Variants in ANXA6 observed in about 807,000 individuals in gnomAD.
ANXA6 encodes the protein annexin A6, also known as 67 kDa calelectrin.
ANXA6 carries 71 observed loss-of-function variants against 95.4 expected under a neutral mutation model. That is an observed-to-expected ratio of 0.74 (90% CI 0.61 to 0.91). The LOEUF (loss-of-function observed/expected upper bound fraction) is 0.91. Among genes scored for constraint, ANXA6 ranks in the 40% least tolerant of loss-of-function variants. ANXA6 has a pLI of 0.00. For missense variants in ANXA6, 830 were observed against 876.4 expected (o/e 0.95, Z 0.67); for synonymous variants, 289 against 315.9 (o/e 0.91, Z 0.90).
chr5:151,109,722 T>G, intron 22 of ANXA6, 31 bp downstream of exon 22: 37 of 1,540,544 alleles, frequency 2.4e-5, no homozygotes, highest in Non-Finnish European at 3.1e-5. Context: ...ATCTTCCTGC[T>G]GAGCTGGGAA....
intron 2 of ANXA6, chr5:151,140,660 C>T (rs1444568686): frequency 6.6e-6 from 1 of 151,604 alleles, no homozygotes; most frequent in African/African-American, 2.4e-5. Context: ...TGCCTGGCCT[C>T]AAGCAGTCCT....
intron 1 of ANXA6, among the ~76,000 whole-genome samples, chr5:151,152,760 G>A (rs1766139331): frequency 1.3e-5 from 2 of 152,144 alleles, no homozygotes. Context: ...GGTGCAGGCT[G>A]ATAGAGGTGC....
chr5:151,129,674 C>T, intron 11 of ANXA6, 145 bp from the exon 12 acceptor site: 1 of 896,880 alleles, frequency 1.1e-6, no homozygotes, highest in Non-Finnish European at 1.7e-6. Flanking sequence ...CCCATTGAAG[C>T]TCTCTCTATG....
chr5:151,116,435 G>A (rs1436174130), intron 20 of ANXA6, among the ~76,000 whole-genome samples: 1 of 152,178 alleles, frequency 6.6e-6, no homozygotes, highest in Non-Finnish European at 1.5e-5. Flanking sequence ...GGACTGCCCA[G>A]CCATAGAACC....
chr5:151,141,708 A>C (rs1044163344), intron 2 of ANXA6: 3 of 985,448 alleles, frequency 3.0e-6, no homozygotes, highest in Non-Finnish European at 3.6e-6. Flanking sequence ...TGGAGTTACT[A>C]TTTAAAGTTC....
At chr5:151,106,196 C>T (rs1224945905) in intron 23 of ANXA6, among the ~76,000 whole-genome samples, 1 of 152,118 alleles carries the variant, frequency 6.6e-6, no homozygotes, top group East Asian at 1.9e-4. Flanking sequence ...TTTCACCAAC[C>T]CCGCCCTTTC....
At chr5:151,146,233 T>A (rs1450618722) in intron 2 of ANXA6, among the ~76,000 whole-genome samples, 1 of 152,218 alleles carries the variant, frequency 6.6e-6, no homozygotes, top group Non-Finnish European at 1.5e-5. Context: ...CCTGTCCACT[T>A]GGATCATCTA....
At chr5:151,120,080 A>G (rs953837752) in intron 17 of ANXA6, among the ~76,000 whole-genome samples, 6 of 152,126 alleles carry the variant, frequency 3.9e-5, no homozygotes, top group African/African-American at 1.2e-4. Flanking sequence ...GGGCTTCACC[A>G]TATTGTCCAG....
intron 2 of ANXA6, 74 bp downstream of exon 2, chr5:151,147,810 G>T: frequency 6.6e-7 from 1 of 1,511,274 alleles, no homozygotes; most frequent in Non-Finnish European, 9.0e-7. Context: ...CTCTGTAGCA[G>T]GCCTAGTGGC....
At position 151,117,126 on chromosome 5, in the gene ANXA6, C is replaced by T; in HGVS notation, c.1572+1G>A. 2.5e-6 allele frequency: 4 copies of T among 1,589,348 alleles called. No individual in the cohort carries two copies. Among genetic ancestry groups the T allele is most frequent in the South Asian group, 1.1e-5 (1 of 88,394 alleles). ...TGACTGGGGTGGGCTGGGGGTCTTACCTGGGCATCTTCCCGTGCCTGGTCC... is the reference window on the plus strand; with the variant it reads ...TGACTGGGGTGGGCTGGGGGTCTTATCTGGGCATCTTCCCGTGCCTGGTCC... On this transcript the variant is annotated splice_donor_variant, in intron 20 of 25. Transcript: ENST00000354546. LOFTEE classifies it high-confidence loss of function.
At chr5:151,131,118 A>T in intron 11 of ANXA6, 113 bp downstream of exon 11, 1 of 1,082,976 alleles carries the variant, frequency 9.2e-7, no homozygotes, top group Non-Finnish European at 1.4e-6. Context: ...CACCAGGGTC[A>T]GTCCTGTGGC....
At chr5:151,157,190 G>A (rs1766259081) in intron 1 of ANXA6, among the ~76,000 whole-genome samples, 1 of 152,172 alleles carries the variant, frequency 6.6e-6, no homozygotes, top group Non-Finnish European at 1.5e-5. Flanking sequence ...TCTGCACGCA[G>A]GCAGCCCTCC....
chr5:151,120,870 G>A (rs1196175592), intron 17 of ANXA6, among the ~76,000 whole-genome samples: 1 of 152,188 alleles, frequency 6.6e-6, no homozygotes, highest in Non-Finnish European at 1.5e-5. Flanking sequence ...GCAGGTGTGT[G>A]GTGAGGCAAT....
chr5:151,129,535 A>T lies in ANXA6; in HGVS notation c.796-6T>A. ...TTGTCCCGAGTCCCCAGGCCCTGCA[A>T]GACAAGTGGGTTTGGGGAACATGGA... is the stretch of plus-strand genomic sequence containing the variant. On this transcript the variant is annotated splice_polypyrimidine_tract_variant and splice_region_variant and intron_variant, in intron 11 of 25. Coordinates refer to ENST00000354546, the MANE Select transcript of ANXA6 (RefSeq NM_001155.5). 6.3e-7 allele frequency: 1 copy of T among 1,597,116 alleles called. No homozygotes were observed. Among genetic ancestry groups the T allele is most frequent in the African/African-American group, 1.3e-5 (1 of 74,730 alleles).
intron 8 of ANXA6, 182 bp from the exon 9 acceptor site, chr5:151,133,369 A>G (rs1433101737): frequency 1.1e-5 from 6 of 567,562 alleles, no homozygotes; most frequent in Admixed American, 3.0e-5. Context: ...GAGAACTGCC[A>G]TTGTTAGGCG....
chr5:151,131,386 C>T, intron 10 of ANXA6, 97 bp from the exon 11 acceptor site: 1 of 1,280,278 alleles, frequency 7.8e-7, no homozygotes, highest in Non-Finnish European at 1.1e-6. Context: ...TTGAGGGCCA[C>T]CTAGCTCAAT....
At chr5:151,113,460 A>C (rs1764907216) in intron 20 of ANXA6, among the ~76,000 whole-genome samples, 1 of 152,204 alleles carries the variant, frequency 6.6e-6, no homozygotes, top group African/African-American at 2.4e-5. Context: ...TTTTATCAAA[A>C]ATTTGTAAAA....
At chr5:151,130,778 A>G (rs535513643) in intron 11 of ANXA6, among the ~76,000 whole-genome samples, 25 of 152,284 alleles carry the variant, frequency 1.6e-4, no homozygotes, top group Admixed American at 7.2e-4. Context: ...CCAGTGCATC[A>G]CAAAAATACC....
At chr5:151,145,029 C>G (rs756934280) in intron 2 of ANXA6, among the ~76,000 whole-genome samples, 4 of 152,224 alleles carry the variant, frequency 2.6e-5, no homozygotes, top group African/African-American at 9.6e-5. Flanking sequence ...TCACCCACCC[C>G]ACCCTGACTG....
Sources: allele counts gnomAD v4.1 joint callset (sites outside exome capture counted in the v4.1 genomes callset), GRCh38; gene constraint gnomAD v4.1.1; transcripts MANE v1.5; gene names NCBI Gene and HGNC (gene_info 2026-07-23, HGNC 2026-07-21).